HS6ST3: variants seen among roughly 807,000 people sequenced by gnomAD.
The protein encoded by HS6ST3 is heparan sulfate 6-O-sulfotransferase 3.
In HS6ST3, 12 loss-of-function variants were observed where a neutral mutation model predicts 36.7. The ratio of observed to expected loss-of-function variants is 0.33; its 90% CI spans 0.21 to 0.53. HS6ST3 has a LOEUF of 0.53. Among genes scored for constraint, HS6ST3 ranks in the 20% least tolerant of loss-of-function variants. The pLI is 0.95. For missense variants in HS6ST3, 584 were observed against 640.9 expected, an observed-to-expected ratio of 0.91 and a Z score of 0.96; for synonymous variants, 240 against 257.5, an observed-to-expected ratio of 0.93 and a Z score of 0.65.
chr13:96,312,523 A>G lies in HS6ST3; in HGVS notation c.707+220954A>G, dbSNP rs913933532. Among the ~76,000 whole-genome samples the G allele has an allele frequency of 2.0e-5, 3 of 152,220 alleles. No homozygotes were observed. The East Asian group carries it at 5.8e-4, about 29-fold the overall frequency. On this transcript the variant is annotated intron_variant, in intron 1 of 1. Coordinates refer to ENST00000376705, the MANE Select transcript of HS6ST3 (RefSeq NM_153456.4). The stretch of plus-strand genomic sequence containing the variant: ...TTAGTTTCTGTTATTGTTCTCTGTC[A>G]TCAGTTGGTTACTGAAAGAGCTCTG...
At chr13:96,786,869 T>C (rs544679122) in intron 1 of HS6ST3, among the ~76,000 whole-genome samples, 10 of 130 alleles carry the variant, frequency 0.077, no homozygotes, top group East Asian at 0.38. Context: ...TCCCTCATGC[T>C]ACCCTTTTTA....
intron 1 of HS6ST3, among the ~76,000 whole-genome samples, chr13:96,713,913 G>A (rs1305990821): frequency 1.3e-5 from 2 of 152,074 alleles, no homozygotes; most frequent in Non-Finnish European, 2.9e-5. Context: ...AATTTGGTAT[G>A]ACAGGAGTAG....
chr13:96,214,332 C>T (rs577630377), intron 1 of HS6ST3, among the ~76,000 whole-genome samples: 29 of 152,216 alleles, frequency 1.9e-4, no homozygotes, highest in African/African-American at 6.0e-4. Context: ...CATAGCCCCA[C>T]GAATCCCCCA....
At chr13:96,489,691 G>A (rs1437935149) in intron 1 of HS6ST3, among the ~76,000 whole-genome samples, 1 of 152,002 alleles carries the variant, frequency 6.6e-6, no homozygotes, top group Non-Finnish European at 1.5e-5. Context: ...TTTTTTAAGA[G>A]TTTCCTAAGT....
intron 1 of HS6ST3, among the ~76,000 whole-genome samples, chr13:96,287,323 T>C (rs1311062960): frequency 1.3e-5 from 2 of 152,152 alleles, no homozygotes; most frequent in South Asian, 2.1e-4. Flanking sequence ...TAAAAATATA[T>C]AGAAAAATCT....
At chr13:96,608,737 A>T (rs2056447357) in intron 1 of HS6ST3, among the ~76,000 whole-genome samples, 1 of 152,192 alleles carries the variant, frequency 6.6e-6, no homozygotes, top group African/African-American at 2.4e-5. Flanking sequence ...TATTGGAGTG[A>T]TAAAGCTATT....
intron 1 of HS6ST3, among the ~76,000 whole-genome samples, chr13:96,823,472 G>A (rs55696492): frequency 0.083 from 12,553 of 152,010 alleles, 612 homozygotes; most frequent in Non-Finnish European, 0.11. Flanking sequence ...AACATTCACC[G>A]TCTTTTTAAG....
In HS6ST3 at chr13:96,105,083, AAAAG is replaced by A. The variant is rs1171255454; in HGVS notation, c.707+13521_707+13524del. 1.7e-4 allele frequency among the ~76,000 whole-genome samples: 25 copies of A among 148,322 alleles called. No individual in the cohort carries two copies. The South Asian group carries it at 1.7e-3, about 10-fold the overall frequency. ...TAAAGATGGAAAAAAAAAAAAAAGA[AAAAG>A]AAAGAAGAAAAGTGCAGAAGCCAGT... On this transcript the variant is annotated intron_variant, in intron 1 of 1. Coordinates refer to ENST00000376705, the MANE Select transcript of HS6ST3 (RefSeq NM_153456.4).
chr13:96,519,838 T>A (rs995599566), intron 1 of HS6ST3, among the ~76,000 whole-genome samples: 4 of 152,222 alleles, frequency 2.6e-5, no homozygotes, highest in Admixed American at 6.5e-5. Context: ...GTTACCTCCA[T>A]AATGCTAAAT....
At chr13:96,124,849 C>A (rs1046306941) in intron 1 of HS6ST3, among the ~76,000 whole-genome samples, 1 of 152,104 alleles carries the variant, frequency 6.6e-6, no homozygotes, top group African/African-American at 2.4e-5. Context: ...ACTTATTAGA[C>A]GTTTAAGGTA....
At chr13:96,150,514 A>T (rs1035880791) in intron 1 of HS6ST3, among the ~76,000 whole-genome samples, 4 of 152,108 alleles carry the variant, frequency 2.6e-5, no homozygotes, top group African/African-American at 9.7e-5. Flanking sequence ...TAGAATATTG[A>T]CAGAATATTT....
intron 1 of HS6ST3, among the ~76,000 whole-genome samples, chr13:96,542,087 T>C (rs1430026681): frequency 1.3e-5 from 2 of 152,240 alleles, no homozygotes; most frequent in Admixed American, 1.3e-4. Flanking sequence ...CAAAAATCCC[T>C]AGGGGCAGAA....
intron 1 of HS6ST3, among the ~76,000 whole-genome samples, chr13:96,340,867 C>T (rs1263225637): frequency 6.6e-6 from 1 of 152,164 alleles, no homozygotes; most frequent in Non-Finnish European, 1.5e-5. Flanking sequence ...ACTGCCTTAG[C>T]TTCCAGTTTA....
chr13:96,604,292 A>T (rs1041072343), intron 1 of HS6ST3, among the ~76,000 whole-genome samples: 3 of 152,178 alleles, frequency 2.0e-5, no homozygotes, highest in Non-Finnish European at 4.4e-5. Flanking sequence ...CTGAGTGGAA[A>T]CAATTTTCTA....
intron 1 of HS6ST3, among the ~76,000 whole-genome samples, chr13:96,722,812 A>G (rs1025244628): frequency 6.6e-6 from 1 of 152,144 alleles, no homozygotes; most frequent in African/African-American, 2.4e-5. Context: ...TCCCGCCTCT[A>G]CAAAAAATAC....
chr13:96,477,055 G>A (rs551112280), intron 1 of HS6ST3, among the ~76,000 whole-genome samples: 2 of 152,114 alleles, frequency 1.3e-5, no homozygotes, highest in East Asian at 3.9e-4. Context: ...TAAAACCTTA[G>A]CCATGTAGCA....
intron 1 of HS6ST3, among the ~76,000 whole-genome samples, chr13:96,182,191 A>T (rs2054243285): frequency 6.6e-6 from 1 of 152,176 alleles, no homozygotes; most frequent in African/African-American, 2.4e-5. Context: ...ACTTTCTGTA[A>T]AGTCCTCTCT....
At chr13:96,149,260 G>A (rs183831456) in intron 1 of HS6ST3, among the ~76,000 whole-genome samples, 47 of 152,172 alleles carry the variant, frequency 3.1e-4, no homozygotes, top group African/African-American at 8.7e-4. Flanking sequence ...GTGATTTTTC[G>A]ATCACTCTGA....
intron 1 of HS6ST3, among the ~76,000 whole-genome samples, chr13:96,552,413 T>A (rs1021933149): frequency 1.3e-5 from 2 of 152,210 alleles, no homozygotes; most frequent in Admixed American, 1.3e-4. Context: ...GGTGTTTCTG[T>A]CTTCTCTATA....
Sources: gnomAD v4.1 joint callset for allele counts (sites outside exome capture counted in the v4.1 genomes callset) on GRCh38, gnomAD v4.1.1 for gene constraint, MANE v1.5 for transcripts, NCBI Gene and HGNC (gene_info 2026-07-23, HGNC 2026-07-21) for gene names.